SNW1: variants seen among roughly 807,000 people sequenced by gnomAD.
The protein encoded by SNW1 is SNW domain containing 1.
SNW1 carries 9 observed loss-of-function variants against 75.6 expected under a neutral mutation model. That is an observed-to-expected ratio of 0.12 (90% confidence interval 0.07 to 0.21). The LOEUF (loss-of-function observed/expected upper bound fraction) is 0.21. Among genes scored for constraint, SNW1 ranks in the 10% least tolerant of loss-of-function variants. SNW1 has a pLI of 1.00. For missense variants in SNW1, 409 were observed against 670.9 expected (o/e 0.61, Z 4.31); for synonymous variants, 200 against 219.1 (o/e 0.91, Z 0.77).
intron 8 of SNW1, among the ~76,000 whole-genome samples, chr14:77,734,535 C>G (rs2080654507): frequency 6.6e-6 from 1 of 152,164 alleles, no homozygotes; most frequent in African/African-American, 2.4e-5. Context: ...GTCGGGAGAT[C>G]AAGACCAACC....
At chr14:77,733,070 C>T (rs1486358345) in intron 8 of SNW1, among the ~76,000 whole-genome samples, 1 of 152,180 alleles carries the variant, frequency 6.6e-6, no homozygotes, top group Admixed American at 6.5e-5. Flanking sequence ...TCAATGAGTG[C>T]TTTATGTAGA....
At chr14:77,749,184 C>T (rs75003256) in intron 3 of SNW1, among the ~76,000 whole-genome samples, 9,945 of 152,092 alleles carry the variant, frequency 0.065, 389 homozygotes, top group African/African-American at 0.095. Flanking sequence ...AAATAAATTA[C>T]ATTAGTTAAA....
At position 77,732,596 on chromosome 14, in the gene SNW1, A is replaced by G; in HGVS notation, c.780T>C (p.Tyr260=). 6 of 1,558,306 alleles carry G rather than the reference A, an allele frequency of 3.9e-6. No individual in the cohort carries two copies. Among genetic ancestry groups the G allele is most frequent in the Non-Finnish European group, 5.3e-6 (6 of 1,130,258 alleles). Residue 260 remains tyrosine, a synonymous_variant, in exon 9 of 14, where the codon TAT becomes TAC. Coordinates refer to ENST00000261531, the MANE Select transcript of SNW1 (RefSeq NM_012245.3). ...CCAGACGTTTGTCTAATGGAATTGT[A>G]TAACCCTAGAGTGAAAGCAGACAGA... ...CISNWKNAKG[Y]TIPLDKRLAA... is the part of the protein sequence containing the mutation.
intron 2 of SNW1, among the ~76,000 whole-genome samples, chr14:77,753,504 C>T (rs549642332): frequency 3.9e-5 from 6 of 152,224 alleles, no homozygotes; most frequent in African/African-American, 1.2e-4. Context: ...ACAAAAATCC[C>T]TTAATAATTG....
chr14:77,742,940 A>C (rs940309549), intron 3 of SNW1, among the ~76,000 whole-genome samples: 2 of 151,582 alleles, frequency 1.3e-5, no homozygotes, highest in Non-Finnish European at 2.9e-5. Context: ...AAGATTTATC[A>C]CTTGGCTGGG....
intron 10 of SNW1, among the ~76,000 whole-genome samples, chr14:77,724,414 T>G (rs1322139629): frequency 1.3e-5 from 2 of 152,156 alleles, no homozygotes; most frequent in Non-Finnish European, 2.9e-5. Flanking sequence ...TACAATAAAT[T>G]ATCACTAACT....
chr14:77,725,289 C>T (rs1283335244), intron 10 of SNW1, among the ~76,000 whole-genome samples: 2 of 152,180 alleles, frequency 1.3e-5, no homozygotes, highest in Admixed American at 6.5e-5. Flanking sequence ...CTGTAGGTGG[C>T]CTCTTCAGTC....
chr14:77,718,917 G>C (rs749118268), intron 12 of SNW1, among the ~76,000 whole-genome samples: 2 of 152,064 alleles, frequency 1.3e-5, no homozygotes, highest in Non-Finnish European at 2.9e-5. Context: ...CACCATGTTG[G>C]CCAGGCTGGT....
intron 3 of SNW1, among the ~76,000 whole-genome samples, chr14:77,749,992 A>G (rs1056397574): frequency 3.3e-5 from 5 of 152,066 alleles, no homozygotes; most frequent in African/African-American, 4.8e-5. Context: ...CTTGAGCCCA[A>G]AAGTTCAAGA....
At chr14:77,757,107 A>G (rs1180246235) in intron 1 of SNW1, among the ~76,000 whole-genome samples, 2 of 152,208 alleles carry the variant, frequency 1.3e-5, no homozygotes, top group African/African-American at 4.8e-5. Flanking sequence ...GATAGTAAGC[A>G]TACCTAAGTA....
At chr14:77,748,635 G>A (rs1351976819) in intron 3 of SNW1, among the ~76,000 whole-genome samples, 1 of 151,766 alleles carries the variant, frequency 6.6e-6, no homozygotes, top group African/African-American at 2.4e-5. Flanking sequence ...CGCCCAGGCT[G>A]GAGTGCGGTG....
At chr14:77,730,070 C>T (rs866050989) in intron 10 of SNW1, among the ~76,000 whole-genome samples, 34 of 152,172 alleles carry the variant, frequency 2.2e-4, no homozygotes, top group African/African-American at 8.2e-4. Flanking sequence ...CATTTCAGAG[C>T]CATGTACTTG....
intron 11 of SNW1, among the ~76,000 whole-genome samples, chr14:77,721,639 C>G (rs2080541290): frequency 6.6e-6 from 1 of 151,894 alleles, no homozygotes. Flanking sequence ...ACCCTCAACT[C>G]TCAAGAGTAA....
chr14:77,735,161 C>A, intron 7 of SNW1, 149 bp from the exon 8 acceptor site: 1 of 533,896 alleles, frequency 1.9e-6, no homozygotes, highest in Non-Finnish European at 3.4e-6. Flanking sequence ...TTTGCTAGCA[C>A]TAGTTTACCA....
intron 1 of SNW1, among the ~76,000 whole-genome samples, chr14:77,756,727 T>C (rs1224782948): frequency 6.6e-6 from 1 of 152,030 alleles, no homozygotes; most frequent in African/African-American, 2.4e-5. Context: ...CTACTAAAAA[T>C]ACAAAATTAG....
intron 3 of SNW1, among the ~76,000 whole-genome samples, chr14:77,746,907 C>G (rs1340539733): frequency 6.6e-6 from 1 of 151,824 alleles, no homozygotes; most frequent in Non-Finnish European, 1.5e-5. Context: ...CTCCCCCTCC[C>G]CCCTTCTGTG....
chr14:77,732,278 A>C (rs1002872284), intron 9 of SNW1, among the ~76,000 whole-genome samples: 1 of 152,238 alleles, frequency 6.6e-6, no homozygotes, highest in Non-Finnish European at 1.5e-5. Context: ...AGGGAGCCGG[A>C]TCACCACTGT....
At chr14:77,721,988 T>TGG (rs541928630) in intron 11 of SNW1, among the ~76,000 whole-genome samples, 1 of 152,324 alleles carries the variant, frequency 6.6e-6, no homozygotes, top group East Asian at 1.9e-4. Flanking sequence ...CCTCAAGTGA[T>TGG]TCGCGTGCTT....
At chr14:77,719,677 A>G (rs914092743) in intron 12 of SNW1, among the ~76,000 whole-genome samples, 1 of 152,156 alleles carries the variant, frequency 6.6e-6, no homozygotes, top group African/African-American at 2.4e-5. Flanking sequence ...TTTGAAATCA[A>G]GACACCCAGT....
Sources: gnomAD v4.1 joint callset for allele counts (sites outside exome capture counted in the v4.1 genomes callset) on GRCh38, gnomAD v4.1.1 for gene constraint, MANE v1.5 for transcripts, NCBI Gene and HGNC (gene_info 2026-07-23, HGNC 2026-07-21) for gene names.